The following LMCD1 variants were observed in gnomAD, a reference collection of about 807,000 sequenced individuals.
LMCD1 encodes LIM and cysteine rich domains 1, also known as LIM and cysteine-rich domains protein 1.
Under a neutral mutation model 42.7 loss-of-function variants are expected in LMCD1, and 32 were observed. The observed-to-expected ratio is 0.75, with a 90% confidence interval of 0.57 to 1.01. LMCD1 has a LOEUF of 1.01. Ranked by LOEUF, LMCD1 falls within the 50% of genes least tolerant of loss-of-function variation. The pLI is 0.00. For missense variants in LMCD1, 458 were observed against 483.1 expected, an observed-to-expected ratio of 0.95 and a Z score of 0.49; for synonymous variants, 178 against 184.9, an observed-to-expected ratio of 0.96 and a Z score of 0.30.
intron 5 of LMCD1, among the ~76,000 whole-genome samples, 170 bp from the exon 6 acceptor site, chr3:8,567,270 A>G (rs906862643): frequency 1.3e-5 from 2 of 152,090 alleles, no homozygotes; most frequent in African/African-American, 2.4e-5. Context: ...ACCTTCACCA[A>G]ATATTATCCT....
intron 3 of LMCD1, among the ~76,000 whole-genome samples, chr3:8,544,936 T>C (rs955272473): frequency 1.3e-5 from 2 of 152,186 alleles, no homozygotes; most frequent in African/African-American, 4.8e-5. Context: ...CTGACCTGTA[T>C]CTTCCCCTAA....
intron 1 of LMCD1, among the ~76,000 whole-genome samples, chr3:8,527,676 G>A (rs1559348670): frequency 3.3e-5 from 5 of 152,090 alleles, no homozygotes; most frequent in African/African-American, 4.8e-5. Context: ...TAAAAGACAC[G>A]TCTGCATTGA....
At position 8,568,580 on chromosome 3, in the gene LMCD1, T is replaced by C. The variant is rs1477337036; in HGVS notation, c.*982T>C. 3 of 152,164 alleles carry C rather than the reference T, an allele frequency of 2.0e-5. No individual in the cohort carries two copies. The highest frequency in any genetic ancestry group is 7.2e-5 in the African/African-American group (3 of 41,438). The allele number at this position is 152,164 out of a possible 1,614,324, so 9.4% of individuals were successfully genotyped here. Reference sequence around the variant, plus strand: ...AATGCCAAAACAATCAGAAACAAAATTTTTTCAATAAAAATTAATCTAAAA... The same window carrying C: ...AATGCCAAAACAATCAGAAACAAAACTTTTTCAATAAAAATTAATCTAAAA... On this transcript the variant is annotated 3_prime_UTR_variant, in exon 6 of 6. Transcript: ENST00000157600.
At chr3:8,548,397 C>T (rs1032604861) in intron 3 of LMCD1, among the ~76,000 whole-genome samples, 171 bp from the exon 4 acceptor site, 1 of 152,054 alleles carries the variant, frequency 6.6e-6, no homozygotes, top group Non-Finnish European at 1.5e-5. Context: ...TCTAAAATTA[C>T]AAAAGTAATC....
intron 4 of LMCD1, 116 bp from the exon 5 acceptor site, chr3:8,565,316 A>G (rs1695107906): frequency 1.2e-6 from 1 of 824,374 alleles, no homozygotes; most frequent in Non-Finnish European, 2.1e-6. Flanking sequence ...ACGAAGAGGT[A>G]TAGTGACTTG....
At chr3:8,540,381 C>T (rs919277577) in intron 3 of LMCD1, among the ~76,000 whole-genome samples, 1 of 152,204 alleles carries the variant, frequency 6.6e-6, no homozygotes, top group African/African-American at 2.4e-5. Context: ...TATCCATGCA[C>T]AATCTCATCT....
At chr3:8,505,273 C>G (rs1435836108) in intron 1 of LMCD1, among the ~76,000 whole-genome samples, 2 of 152,210 alleles carry the variant, frequency 1.3e-5, no homozygotes, top group African/African-American at 2.4e-5. Context: ...AAGACAATGA[C>G]CAAATGCTGT....
chr3:8,527,983 C>A (rs1277501418), intron 1 of LMCD1, among the ~76,000 whole-genome samples: 1 of 152,164 alleles, frequency 6.6e-6, no homozygotes, highest in African/African-American at 2.4e-5. Context: ...GAACAGTAAA[C>A]CATAACATTT....
intron 1 of LMCD1, among the ~76,000 whole-genome samples, chr3:8,529,309 G>T (rs115291700): frequency 1.3e-5 from 2 of 152,166 alleles, no homozygotes; most frequent in African/African-American, 2.4e-5. Flanking sequence ...CTGCAAGTGT[G>T]GCCTGATGAC....
intron 4 of LMCD1, among the ~76,000 whole-genome samples, chr3:8,558,352 G>A (rs17728300): frequency 0.013 from 2,023 of 152,306 alleles, 17 homozygotes; most frequent in Middle Eastern, 0.034. Context: ...AATTGCAAAG[G>A]CCCCAATATT....
In LMCD1 at chr3:8,547,784, G is replaced by A. The variant is rs575485956; in HGVS notation, c.388-784G>A. ...ACCTGTAGTCCCAGCTACTCGGGAG[G>A]CTGAGGCAGGAGAATGGCGTGAACC... On this transcript the variant is annotated intron_variant, in intron 3 of 5. Transcript: ENST00000157600. Among the ~76,000 whole-genome samples, 103 of 152,098 alleles carry A rather than the reference G, an allele frequency of 6.8e-4. 1 individual carries two copies. The highest frequency in any genetic ancestry group is 2.4e-3 in the African/African-American group (98 of 41,484).
chr3:8,543,397 T>TA (rs112109655), intron 3 of LMCD1, among the ~76,000 whole-genome samples: 996 of 92,818 alleles, frequency 0.011, 6 homozygotes, highest in African/African-American at 0.027. Flanking sequence ...GATAGATAGA[T>TA]GATAGATAGA....
chr3:8,547,087 C>A (rs1378613705), intron 3 of LMCD1, among the ~76,000 whole-genome samples: 1 of 152,200 alleles, frequency 6.6e-6, no homozygotes, highest in African/African-American at 2.4e-5. Flanking sequence ...TTTCTTTCCA[C>A]TGCCATCCAA....
chr3:8,555,605 T>C (rs1694920996), intron 4 of LMCD1, among the ~76,000 whole-genome samples: 1 of 152,082 alleles, frequency 6.6e-6, no homozygotes, highest in East Asian at 1.9e-4. Flanking sequence ...GGAGATACTT[T>C]AGTGACTTTC....
intron 1 of LMCD1, among the ~76,000 whole-genome samples, chr3:8,532,172 G>C (rs1425925213): frequency 1.3e-5 from 2 of 152,192 alleles, no homozygotes; most frequent in East Asian, 3.9e-4. Flanking sequence ...AATAAAACCT[G>C]TCTCATGCAT....
intron 4 of LMCD1, among the ~76,000 whole-genome samples, chr3:8,554,033 G>T (rs767966823): frequency 6.6e-6 from 1 of 152,162 alleles, no homozygotes; most frequent in Non-Finnish European, 1.5e-5. Flanking sequence ...ACTGTGTAAG[G>T]TCTCAATCTC....
In LMCD1 at chr3:8,574,008, CAAGTT is replaced by C. The variant is rs1695261210; in HGVS notation, c.*6415_*6419del. ...CAATTGGATGCAGTAGTTCAAATCA[CAAGTT>C]AAGTCTCTGCTTCTTTTCTCCATCT... On this transcript the variant is annotated 3_prime_UTR_variant, in exon 6 of 6. Transcript: ENST00000157600. 5 of 152,312 alleles carry C rather than the reference CAAGTT, an allele frequency of 3.3e-5. No homozygotes were observed. In the South Asian group the frequency reaches 1.0e-3, roughly 32 times the overall value. 9.4% of individuals were successfully genotyped at this position (152,312 alleles called of 1,614,324 possible).
chr3:8,536,687 A>T (rs755504081), intron 2 of LMCD1, among the ~76,000 whole-genome samples: 2 of 152,240 alleles, frequency 1.3e-5, no homozygotes, highest in Non-Finnish European at 2.9e-5. Context: ...AGGGCCAGAA[A>T]GTACATATTT....
intron 4 of LMCD1, among the ~76,000 whole-genome samples, chr3:8,557,896 G>C (rs1352320000): frequency 6.6e-6 from 1 of 152,090 alleles, no homozygotes; most frequent in South Asian, 2.1e-4. Flanking sequence ...CCTGAAGCTC[G>C]TTCACTCATG....
Sources: gnomAD v4.1 joint callset for allele counts (sites outside exome capture counted in the v4.1 genomes callset) on GRCh38, gnomAD v4.1.1 for gene constraint, MANE v1.5 for transcripts, NCBI Gene and HGNC (gene_info 2026-07-23, HGNC 2026-07-21) for gene names.